CCDC88A: variants seen among roughly 807,000 people sequenced by gnomAD.
CCDC88A encodes girdin.
In CCDC88A, 54 loss-of-function variants were observed where a neutral mutation model predicts 234.3. The ratio of observed to expected loss-of-function variants is 0.23; its 90% confidence interval spans 0.19 to 0.29. The LOEUF (loss-of-function observed/expected upper bound fraction) is 0.29, where lower values mean the gene tolerates loss of function less well. Ranked by LOEUF, CCDC88A falls within the 10% of genes least tolerant of loss-of-function variation. CCDC88A has a pLI of 1.00. For synonymous variants in CCDC88A, 753 were observed against 737.8 expected (o/e 1.02, Z -0.33); for missense variants, 1,832 against 2,123.4 (o/e 0.86, Z 2.70).
chr2:55,296,074 C>T lies in CCDC88A; in HGVS notation c.5092-18G>A, dbSNP rs1332346399. The T allele has an allele frequency of 3.2e-6, 5 of 1,544,056 alleles. No individual in the cohort carries two copies. The East Asian group carries it at 1.1e-4, about 35-fold the overall frequency. On this transcript the variant is annotated intron_variant, in intron 30 of 32. Transcript: ENST00000436346. Reference sequence around the variant, plus strand: ...GACTTTATCTGTTTAAAAAAAAATTCAAAGCAGATTAGTGAATATAGTGCC... The same window carrying T: ...GACTTTATCTGTTTAAAAAAAAATTTAAAGCAGATTAGTGAATATAGTGCC...
chr2:55,290,977 T>C lies in CCDC88A; in HGVS notation c.*223A>G, dbSNP rs1346616470. On this transcript the variant is annotated 3_prime_UTR_variant, in exon 33 of 33. Coordinates refer to ENST00000436346, the MANE Select transcript of CCDC88A (RefSeq NM_001365480.1). ...AAGTCCTAAAACCTTTAAAAAATTT[T>C]GGCAGTTGAATCCAGTAGTGCTCCT... The C allele has an allele frequency of 6.6e-6, 1 of 152,532 alleles. No individual in the cohort carries two copies. The highest frequency in any genetic ancestry group is 1.5e-5 in the Non-Finnish European group (1 of 67,954). 9.4% of individuals were successfully genotyped at this position (152,532 alleles called of 1,614,324 possible).
intron 2 of CCDC88A, among the ~76,000 whole-genome samples, chr2:55,410,413 T>C (rs1680278345): frequency 6.6e-6 from 1 of 152,240 alleles, no homozygotes; most frequent in Non-Finnish European, 1.5e-5. Context: ...TATGAAGGTA[T>C]ATTTATCAAG....
At chr2:55,306,849 T>C (rs762823498) in intron 25 of CCDC88A, among the ~76,000 whole-genome samples, 1 of 152,206 alleles carries the variant, frequency 6.6e-6, no homozygotes, top group Non-Finnish European at 1.5e-5. Context: ...GTGCTGGGAT[T>C]ACAGGCATGA....
intron 17 of CCDC88A, among the ~76,000 whole-genome samples, chr2:55,324,905 C>CAA: frequency 6.6e-6 from 1 of 152,312 alleles, no homozygotes; most frequent in Non-Finnish European, 1.5e-5. Context: ...CTCAGCCTCC[C>CAA]AAAGTGCTGG....
intron 13 of CCDC88A, chr2:55,337,499 A>AAT (rs1388858989): frequency 6.6e-6 from 1 of 152,220 alleles, no homozygotes; most frequent in Non-Finnish European, 1.5e-5. Context: ...AAGACTTTAT[A>AAT]AAACATTCTA....
chr2:55,407,017 A>G (rs967000512), intron 2 of CCDC88A, among the ~76,000 whole-genome samples: 1 of 152,180 alleles, frequency 6.6e-6, no homozygotes, highest in Non-Finnish European at 1.5e-5. Flanking sequence ...GTTCAAGACC[A>G]GCCTGGGAAA....
chr2:55,309,253 C>A lies in CCDC88A; in HGVS notation c.4081G>T (p.Asp1361Tyr). Residue 1361 changes from aspartate to tyrosine, a missense_variant and splice_region_variant, in exon 24 of 33, where the codon GAT becomes TAT. Physicochemically the swap from Asp to Tyr is radical, Grantham distance 160. This residue lies in a region of CCDC88A where 1,282 missense variants were observed against 1,543.6 expected (regional missense o/e 0.83). Transcript: ENST00000436346. This position sits in a 1 kb window ranked among gnomAD's most constrained non-coding sequence, Gnocchi z 5.1. ...TGACGTCTTAATTCATTTAACTTAT[C>A]ACTATAAAATAAAAATTACCTTTTA... is the stretch of plus-strand genomic sequence containing the variant. Reference protein sequence around the residue: ...LFHVEQRQYIDKLNELRRQKE... With the variant: ...LFHVEQRQYIYKLNELRRQKE... 7.5e-7 allele frequency: 1 copy of A among 1,328,976 alleles called. No individual in the cohort carries two copies. Among genetic ancestry groups the A allele is most frequent in the South Asian group, 1.3e-5 (1 of 79,482 alleles). The allele number at this position is 1,328,976 out of a possible 1,614,324, so 82.3% of individuals were successfully genotyped here.
At chr2:55,381,293 G>A (rs534479462) in intron 3 of CCDC88A, among the ~76,000 whole-genome samples, 1 of 152,154 alleles carries the variant, frequency 6.6e-6, no homozygotes, top group Admixed American at 6.6e-5. Context: ...AGGTACACAA[G>A]ACTGGCTGAG....
chr2:55,310,877 T>C (rs1203317474), intron 23 of CCDC88A, among the ~76,000 whole-genome samples: 2 of 152,208 alleles, frequency 1.3e-5, no homozygotes, highest in East Asian at 3.8e-4. Flanking sequence ...TGTTGAAATA[T>C]CATTAAGAAC....
chr2:55,343,988 C>A, intron 11 of CCDC88A, 196 bp from the exon 12 acceptor site: 1 of 446,090 alleles, frequency 2.2e-6, no homozygotes, highest in Non-Finnish European at 3.9e-6. Context: ...TCCTTTTAAG[C>A]TGATCTTTGG....
At position 55,295,871 on chromosome 2, in the gene CCDC88A, T is replaced by G; in HGVS notation, c.5277A>C (p.Arg1759=). 1 of 1,614,120 alleles carries G rather than the reference T, an allele frequency of 6.2e-7. No homozygotes were observed. Among genetic ancestry groups the G allele is most frequent in the South Asian group, 1.1e-5 (1 of 91,068 alleles). ...TKPEFLRPGP[R]KTEDTYFISS... ...TAATGAAGTAGGTATCTTCAGTTTT[T>G]CGAGGACCAGGTCTCAAAAACTCAG... Residue 1759 remains arginine (R), a synonymous_variant, in exon 31 of 33, where the codon CGA becomes CGC. Transcript: ENST00000436346.
intron 17 of CCDC88A, chr2:55,323,491 A>C (rs1236062220): frequency 1.3e-5 from 2 of 152,172 alleles, no homozygotes; most frequent in African/African-American, 4.8e-5. Context: ...ATGTAATGTC[A>C]AGTTTCTCAA....
In CCDC88A at chr2:55,399,846, G is replaced by C. The variant is rs992559947; in HGVS notation, c.165-10960C>G. 5.0e-4 allele frequency: 23 copies of C among 45,598 alleles called. No individual in the cohort carries two copies. In the Admixed American group the frequency reaches 9.5e-3, roughly 19 times the overall value. The allele number at this position is 45,598 out of a possible 1,614,324, so 2.8% of individuals were successfully genotyped here. ...GCATAAACCATAAGAAAAGAAAACA[G>C]TATTAAAAATTTCTTCTATAAAAAG... On this transcript the variant is annotated intron_variant, in intron 2 of 32. Coordinates refer to ENST00000436346, the MANE Select transcript of CCDC88A (RefSeq NM_001365480.1).
rs913717219 is a variant in CCDC88A at position 55,299,137 on chromosome 2, GAGGTTA to G, written c.4825+696_4825+701del. Among the ~76,000 whole-genome samples the G allele has an allele frequency of 1.3e-4, 17 of 131,236 alleles. 1 individual carries two copies. Among genetic ancestry groups the G allele is most frequent in the African/African-American group, 6.5e-4 (17 of 26,038 alleles). 86.1% of individuals were successfully genotyped at this position (131,236 alleles called of 152,430 possible). A position where few individuals can be genotyped will look rare whatever the true frequency, so the allele number is the denominator to read the frequency against. ...GAGAATGGCTTGAACCTGGGAGGTG[GAGGTTA>G]CAGTGAGCTGAGATCACACCACTGC... On this transcript the variant is annotated intron_variant, in intron 29 of 32. Coordinates refer to ENST00000436346, the MANE Select transcript of CCDC88A (RefSeq NM_001365480.1).
rs899452251 is a variant in CCDC88A at position 55,386,152 on chromosome 2, G to C, written c.273+2626C>G. Among the ~76,000 whole-genome samples, 19 of 151,912 alleles carry C rather than the reference G, an allele frequency of 1.3e-4. No individual in the cohort carries two copies. In the South Asian group the frequency reaches 3.3e-3, roughly 27 times the overall value. On this transcript the variant is annotated intron_variant, in intron 3 of 32. Transcript: ENST00000436346. The stretch of plus-strand genomic sequence containing the variant: ...ACAGGAGAATCACTTGAACCCAGGA[G>C]CCAGAGGTTGCAGTGGTCAAGATCA...
chr2:55,299,966 G>T, intron 28 of CCDC88A, 47 bp from the exon 29 acceptor site: 1 of 1,288,698 alleles, frequency 7.8e-7, no homozygotes, highest in Non-Finnish European at 1.1e-6. Flanking sequence ...TCTAGCTGAT[G>T]ATGCTGATGA....
In CCDC88A at chr2:55,334,720, C is replaced by T. The variant is rs1262465108; in HGVS notation, c.2101G>A (p.Glu701Lys). The change falls in exon 15 of 33, where the codon GAG (glutamate) becomes AAG (lysine). Residue 701 changes from glutamate to lysine, a missense_variant. This residue lies in a region of CCDC88A where 1,282 missense variants were observed against 1,543.6 expected (regional missense o/e 0.83). Coordinates refer to ENST00000436346, the MANE Select transcript of CCDC88A (RefSeq NM_001365480.1). This position sits in a 1 kb window ranked among gnomAD's most constrained non-coding sequence, Gnocchi z 6.1. Reference sequence around the variant, plus strand: ...TTCCTTCGCAGTTCTAAGTTTTCCTCATCAAGTTGGGAATTCTCTTTTTCT... The same window carrying T: ...TTCCTTCGCAGTTCTAAGTTTTCCTTATCAAGTTGGGAATTCTCTTTTTCT... ...SLEKENSQLD[E>K]ENLELRRNVE... The T allele has an allele frequency of 6.2e-7, 1 of 1,613,078 alleles. No individual in the cohort carries two copies. Among genetic ancestry groups the T allele is most frequent in the Admixed American group, 1.7e-5 (1 of 59,972 alleles).
chr2:55,300,933 AT>A (rs754504622), intron 28 of CCDC88A: 27 of 308,756 alleles, frequency 8.7e-5, no homozygotes, highest in Non-Finnish European at 1.5e-4. Flanking sequence ...CTTTAATCTT[AT>A]ACAAAAATGG....
chr2:55,413,986 A>T (rs917718844), intron 2 of CCDC88A, among the ~76,000 whole-genome samples: 1 of 151,864 alleles, frequency 6.6e-6, no homozygotes, highest in Non-Finnish European at 1.5e-5. Flanking sequence ...AAAAACAAGC[A>T]AACAAACAAA....
Sources: gnomAD v4.1 joint callset for allele counts (sites outside exome capture counted in the v4.1 genomes callset) on GRCh38, gnomAD v4.1.1 for gene constraint, gnomAD v4.1.1 regional missense constraint, Gnocchi (gnomAD v3.1) non-coding constraint, MANE v1.5 for transcripts, NCBI Gene and HGNC (gene_info 2026-07-23, HGNC 2026-07-21) for gene names.